Variants in ANTXR1 observed in about 807,000 individuals in gnomAD.
ANTXR1 encodes anthrax toxin receptor 1.
A neutral mutation model predicts 78.1 loss-of-function variants in ANTXR1; 19 were observed. That is an observed-to-expected ratio of 0.24 (90% CI 0.17 to 0.36). The LOEUF (loss-of-function observed/expected upper bound fraction) is 0.36. Among genes scored for constraint, ANTXR1 ranks in the 10% least tolerant of loss-of-function variants. ANTXR1 has a pLI of 1.00. For synonymous variants in ANTXR1, 273 were observed against 260.5 expected (o/e 1.05, Z -0.46); for missense variants, 518 against 718.6 (o/e 0.72, Z 3.19).
rs369239530 is a variant in ANTXR1 at position 69,236,328 on chromosome 2, G to T, written c.1435-8897G>T. Among the ~76,000 whole-genome samples the T allele has an allele frequency of 3.6e-3, 548 of 152,240 alleles. 4 individuals carry two copies. The highest frequency in any genetic ancestry group is 0.012 in the African/African-American group (509 of 41,546). Reference sequence around the variant, plus strand: ...TTTGTGTATATATATGTGTGTATGTGTGAGTGTATATATGTATATGTATAC... The same window carrying T: ...TTTGTGTATATATATGTGTGTATGTTTGAGTGTATATATGTATATGTATAC... On this transcript the variant is annotated intron_variant, in intron 17 of 17. Coordinates refer to ENST00000303714, the MANE Select transcript of ANTXR1 (RefSeq NM_032208.3).
chr2:69,167,566 T>G (rs970604283), intron 13 of ANTXR1, among the ~76,000 whole-genome samples: 4 of 152,200 alleles, frequency 2.6e-5, no homozygotes, highest in African/African-American at 9.6e-5. Context: ...GACTCCAAGC[T>G]TAGCCTGTCT....
intron 10 of ANTXR1, among the ~76,000 whole-genome samples, chr2:69,116,120 G>T (rs1210374135): frequency 2.6e-5 from 4 of 152,156 alleles, no homozygotes; most frequent in Non-Finnish European, 5.9e-5. Flanking sequence ...AGAGTTTAAT[G>T]TCTTCTATCA....
At chr2:69,228,098 C>A (rs1232417776) in intron 17 of ANTXR1, among the ~76,000 whole-genome samples, 6 of 152,204 alleles carry the variant, frequency 3.9e-5, no homozygotes, top group East Asian at 1.9e-4. Flanking sequence ...AAGAAATAAA[C>A]CACTATAGTG....
intron 17 of ANTXR1, among the ~76,000 whole-genome samples, chr2:69,242,492 A>T (rs1283582203): frequency 6.6e-6 from 1 of 152,210 alleles, no homozygotes; most frequent in South Asian, 2.1e-4. Context: ...ACTTATTTCA[A>T]TTGAAGAGAA....
chr2:69,179,524 C>CA (rs59914010), intron 14 of ANTXR1, among the ~76,000 whole-genome samples: 72,665 of 135,684 alleles, frequency 0.54, 18,602 homozygotes, highest in East Asian at 0.76. Flanking sequence ...ACCCTGTCTC[C>CA]AAAAAAAAAA....
At chr2:69,080,962 A>G (rs1157780433) in intron 8 of ANTXR1, among the ~76,000 whole-genome samples, 4 of 152,212 alleles carry the variant, frequency 2.6e-5, no homozygotes, top group Admixed American at 1.3e-4. Flanking sequence ...AGCTAGGTAC[A>G]GAGTCTGACA....
chr2:69,013,148 T>A, upstream of ANTXR1: 1 of 92,390 alleles, frequency 1.1e-5, no homozygotes, highest in East Asian at 3.2e-4. This position sits in a 1 kb window ranked among gnomAD's most constrained non-coding sequence, Gnocchi z 5.0. Context: ...CCCCCCATCA[T>A]ATTTAAAATC....
intron 17 of ANTXR1, among the ~76,000 whole-genome samples, chr2:69,229,052 T>C (rs1353430315): frequency 6.6e-6 from 1 of 152,068 alleles, no homozygotes; most frequent in Non-Finnish European, 1.5e-5. Flanking sequence ...CTGTGGGAAC[T>C]CTTCTTCTAA....
At chr2:69,082,952 G>A (rs769455909) in intron 8 of ANTXR1, among the ~76,000 whole-genome samples, 9 of 152,306 alleles carry the variant, frequency 5.9e-5, no homozygotes, top group South Asian at 4.1e-4. Flanking sequence ...AGGATTTCTC[G>A]CAAGCTGTGG....
intron 17 of ANTXR1, among the ~76,000 whole-genome samples, chr2:69,196,950 C>T (rs2059471872): frequency 1.3e-5 from 2 of 152,190 alleles, no homozygotes; most frequent in Non-Finnish European, 2.9e-5. Context: ...AGGCCTCCAG[C>T]TCAGCACAGA....
chr2:69,095,650 T>C (rs1413828352), intron 9 of ANTXR1, among the ~76,000 whole-genome samples: 1 of 152,218 alleles, frequency 6.6e-6, no homozygotes, highest in East Asian at 1.9e-4. Context: ...AGGCAGATTT[T>C]GGCTTACCAC....
chr2:69,204,278 T>C (rs539952839), intron 17 of ANTXR1, among the ~76,000 whole-genome samples: 1 of 152,208 alleles, frequency 6.6e-6, no homozygotes, highest in South Asian at 2.1e-4. Context: ...ACCTAGGAAA[T>C]AGGCTTTTGA....
chr2:69,152,582 G>A (rs1673428634), intron 13 of ANTXR1, among the ~76,000 whole-genome samples: 1 of 152,128 alleles, frequency 6.6e-6, no homozygotes, highest in Admixed American at 6.6e-5. Flanking sequence ...GACATGTAAT[G>A]AACATATATG....
intron 10 of ANTXR1, among the ~76,000 whole-genome samples, chr2:69,115,141 C>T (rs1672100767): frequency 6.6e-6 from 1 of 152,354 alleles, no homozygotes; most frequent in South Asian, 2.1e-4. Context: ...AATAGCATTC[C>T]TCCCCCAGTT....
At chr2:69,151,919 T>C (rs1159363259) in intron 12 of ANTXR1, among the ~76,000 whole-genome samples, 2 of 152,180 alleles carry the variant, frequency 1.3e-5, no homozygotes, top group African/African-American at 4.8e-5. Flanking sequence ...AGTTGGTCTT[T>C]CAAAATGTTC....
At chr2:69,191,558 T>A (rs74263547) in intron 16 of ANTXR1, among the ~76,000 whole-genome samples, 13,138 of 152,200 alleles carry the variant, frequency 0.086, 1,589 homozygotes, top group African/African-American at 0.27. Context: ...CACACAGTCA[T>A]ACACACACCC....
chr2:69,172,879 T>G (rs2104453835), intron 14 of ANTXR1, among the ~76,000 whole-genome samples: 1 of 152,270 alleles, frequency 6.6e-6, no homozygotes, highest in East Asian at 1.9e-4. Flanking sequence ...AAGAGGGACA[T>G]TTCCTGGGTT....
rs1673418545 is a variant in ANTXR1, at chr2:69,152,264, G to A, written c.1047G>A (p.Val349=). ...GGTTCTGGCCCCTCTGCTGCACTGT[G>A]GTAAGTGCCCCAAACCTCAGGCCAT... ...LWWFWPLCCT[V]IIKEVPPPPA... Residue 349 remains valine, a splice_region_variant and synonymous_variant, in exon 13 of 18, where the codon GTG becomes GTA. Coordinates refer to ENST00000303714, the MANE Select transcript of ANTXR1 (RefSeq NM_032208.3). 1 of 1,613,916 alleles carries A rather than the reference G, an allele frequency of 6.2e-7. No homozygotes were observed. The highest frequency in any genetic ancestry group is 1.3e-5 in the African/African-American group (1 of 74,894).
At chr2:69,185,602 T>C (rs974721505) in intron 16 of ANTXR1, among the ~76,000 whole-genome samples, 3 of 151,088 alleles carry the variant, frequency 2.0e-5, no homozygotes, top group African/African-American at 7.3e-5. Flanking sequence ...CCAGCCAGCA[T>C]TCCATAGGAA....
Sources: allele counts gnomAD v4.1 joint callset (sites outside exome capture counted in the v4.1 genomes callset), GRCh38; gene constraint gnomAD v4.1.1; non-coding constraint Gnocchi (gnomAD v3.1); transcripts MANE v1.5; gene names NCBI Gene and HGNC (gene_info 2026-07-23, HGNC 2026-07-21).